Variants in NRXN1 observed in about 807,000 individuals in gnomAD.
NRXN1 encodes the protein neurexin 1, also known as neurexin-1.
In NRXN1, 39 loss-of-function variants were observed where a neutral mutation model predicts 150.9. The ratio of observed to expected loss-of-function variants is 0.26; its 90% confidence interval spans 0.20 to 0.34. The LOEUF (loss-of-function observed/expected upper bound fraction) is 0.34, where lower values mean the gene tolerates loss of function less well. Ranked by LOEUF, NRXN1 falls within the 10% of genes least tolerant of loss-of-function variation. The probability of loss-of-function intolerance (pLI) is 1.00; values close to 1 mark genes in which losing one functional copy is unlikely to be tolerated. For synonymous variants in NRXN1, 924 were observed against 757.0 expected (o/e 1.22, Z -3.62); for missense variants, 1,815 against 1,949.9 (o/e 0.93, Z 1.30).
intron 5 of NRXN1, among the ~76,000 whole-genome samples, chr2:50,904,299 G>T (rs574732666): frequency 2.0e-5 from 3 of 152,254 alleles, no homozygotes; most frequent in African/African-American, 7.2e-5. Context: ...AAAGCTGGTA[G>T]CTTTCACCCT....
intron 2 of NRXN1, among the ~76,000 whole-genome samples, chr2:51,005,356 T>G (rs887819759): frequency 1.3e-5 from 2 of 152,046 alleles, no homozygotes; most frequent in Admixed American, 1.3e-4. Context: ...ATATGTTTTA[T>G]GTACAATGAT....
At chr2:50,920,311 T>C (rs1367752150) in intron 5 of NRXN1, among the ~76,000 whole-genome samples, 1 of 151,640 alleles carries the variant, frequency 6.6e-6, no homozygotes, top group African/African-American at 2.4e-5. Flanking sequence ...ATAGAAAAAC[T>C]AAATAAAGTT....
chr2:50,768,854 C>A (rs919089987), intron 5 of NRXN1, among the ~76,000 whole-genome samples: 1 of 151,704 alleles, frequency 6.6e-6, no homozygotes, highest in African/African-American at 2.4e-5. Context: ...TCCATACATG[C>A]TTTTGGGTTA....
chr2:50,256,665 G>A (rs1197898410), intron 17 of NRXN1, among the ~76,000 whole-genome samples: 2 of 152,094 alleles, frequency 1.3e-5, no homozygotes, highest in Non-Finnish European at 2.9e-5. Context: ...GAACTTTTGA[G>A]TGTCAGCTGA....
At chr2:50,771,482 T>C (rs150491670) in intron 5 of NRXN1, among the ~76,000 whole-genome samples, 134 of 152,172 alleles carry the variant, frequency 8.8e-4, no homozygotes, top group African/African-American at 3.1e-3. Context: ...CAGTAGAAGC[T>C]GCCTAATGAA....
chr2:50,035,090 T>C (rs924809307), intron 21 of NRXN1, among the ~76,000 whole-genome samples: 7 of 152,256 alleles, frequency 4.6e-5, no homozygotes, highest in Non-Finnish European at 8.8e-5. Context: ...ATTCATTGAC[T>C]GCACATCTCA....
intron 5 of NRXN1, among the ~76,000 whole-genome samples, chr2:50,767,183 C>A (rs1168920955): frequency 1.3e-5 from 2 of 152,012 alleles, no homozygotes; most frequent in Non-Finnish European, 2.9e-5. Context: ...TGTGGACATT[C>A]TTGGAGTATA....
chr2:50,084,604 G>A (rs898985685), intron 19 of NRXN1, among the ~76,000 whole-genome samples: 9 of 152,080 alleles, frequency 5.9e-5, no homozygotes, highest in African/African-American at 2.2e-4. Context: ...CACACCCCCC[G>A]CAGGCTGAGG....
chr2:49,973,791 A>C, intron 21 of NRXN1: 1 of 576,384 alleles, frequency 1.7e-6, no homozygotes, highest in South Asian at 2.3e-5. Flanking sequence ...TACAGCGTGC[A>C]TAAATTTGAC....
chr2:50,242,821 G>A (rs1030557225), intron 17 of NRXN1, among the ~76,000 whole-genome samples: 1 of 151,620 alleles, frequency 6.6e-6, no homozygotes, highest in African/African-American at 2.4e-5. Context: ...TAAAGAGATT[G>A]GAGAATTAGA....
chr2:50,721,829 T>G (rs551090493), intron 5 of NRXN1, among the ~76,000 whole-genome samples: 1 of 152,288 alleles, frequency 6.6e-6, no homozygotes, highest in East Asian at 1.9e-4. Flanking sequence ...AAAGTTGATA[T>G]ACATTAATAT....
intron 5 of NRXN1, among the ~76,000 whole-genome samples, chr2:50,813,227 T>C (rs1256052017): frequency 6.6e-6 from 1 of 152,174 alleles, no homozygotes; most frequent in African/African-American, 2.4e-5. Context: ...TAAATATGCA[T>C]AATCTCATGT....
At chr2:50,389,900 T>C (rs1342176147) in intron 17 of NRXN1, among the ~76,000 whole-genome samples, 2 of 152,190 alleles carry the variant, frequency 1.3e-5, no homozygotes, top group Admixed American at 6.5e-5. Flanking sequence ...TGGTTATACT[T>C]GGTGATGTTA....
At chr2:50,833,697 G>C (rs1417616194) in intron 5 of NRXN1, among the ~76,000 whole-genome samples, 1 of 152,250 alleles carries the variant, frequency 6.6e-6, no homozygotes, top group East Asian at 1.9e-4. Flanking sequence ...GTTGGGCATT[G>C]GAACTGTTCT....
chr2:49,924,852 C>G (rs958533595), intron 22 of NRXN1, among the ~76,000 whole-genome samples: 2 of 152,070 alleles, frequency 1.3e-5, no homozygotes, highest in African/African-American at 4.8e-5. Flanking sequence ...ATTTTAATAA[C>G]CATCATAGCA....
intron 18 of NRXN1, among the ~76,000 whole-genome samples, chr2:50,186,188 G>T (rs1232007556): frequency 6.6e-6 from 1 of 151,946 alleles, no homozygotes. Context: ...CTCTCACAAA[G>T]AAAATTATTT....
chr2:50,382,293 C>A (rs189815843), intron 17 of NRXN1, among the ~76,000 whole-genome samples: 8 of 152,086 alleles, frequency 5.3e-5, no homozygotes, highest in African/African-American at 1.9e-4. Flanking sequence ...TCTTTAAATG[C>A]TTATCATGAT....
At chr2:50,594,446 G>A (rs939456862) in intron 8 of NRXN1, among the ~76,000 whole-genome samples, 44 of 152,082 alleles carry the variant, frequency 2.9e-4, no homozygotes, top group Non-Finnish European at 1.2e-4. Flanking sequence ...ACCTGTAGGC[G>A]TAAGTATGGG....
chr2:50,787,271 G>C (rs1705254985), intron 5 of NRXN1, among the ~76,000 whole-genome samples: 1 of 151,894 alleles, frequency 6.6e-6, no homozygotes, highest in Non-Finnish European at 1.5e-5. Flanking sequence ...AACAAAACAA[G>C]AAAACAGGCA....
Sources: allele counts gnomAD v4.1 joint callset (sites outside exome capture counted in the v4.1 genomes callset), GRCh38; gene constraint gnomAD v4.1.1; transcripts MANE v1.5; gene names NCBI Gene and HGNC (gene_info 2026-07-23, HGNC 2026-07-21).